The following VRK1 variants were observed in gnomAD, a reference collection of about 807,000 sequenced individuals.
VRK1 encodes the protein VRK serine/threonine kinase 1, also known as serine/threonine-protein kinase VRK1.
VRK1 carries 33 observed loss-of-function variants against 57.1 expected under a neutral mutation model. That is an observed-to-expected ratio of 0.58 (90% CI 0.44 to 0.77). The LOEUF (loss-of-function observed/expected upper bound fraction) is 0.77, where lower values mean the gene tolerates loss of function less well. VRK1 is among the 30% of genes least tolerant of loss of function. VRK1 has a pLI of 0.00. For missense variants in VRK1, 413 were observed against 477.3 expected, an observed-to-expected ratio of 0.87 and a Z score of 1.25; for synonymous variants, 137 against 147.8, an observed-to-expected ratio of 0.93 and a Z score of 0.53.
At chr14:96,805,399 G>C (rs1198198366) in intron 1 of VRK1, among the ~76,000 whole-genome samples, 1 of 152,150 alleles carries the variant, frequency 6.6e-6, no homozygotes, top group Admixed American at 6.6e-5. Flanking sequence ...AAAGATAACA[G>C]ATCTATGTTT....
chr14:96,847,282 G>A lies in VRK1; in HGVS notation c.312G>A (p.Lys104=), dbSNP rs1269621133. 4 of 1,613,696 alleles carry A rather than the reference G, an allele frequency of 2.5e-6. No homozygotes were observed. Among genetic ancestry groups the A allele is most frequent in the African/African-American group, 1.3e-5 (1 of 74,998 alleles). ...TTCAGAAATGGATTCGTACCCGTAAGCTGAAGTACCTGGGTGTTCCTAAGT... is the reference window on the plus strand; with the variant it reads ...TTCAGAAATGGATTCGTACCCGTAAACTGAAGTACCTGGGTGTTCCTAAGT... ...EQIQKWIRTR[K]LKYLGVPKYW... The change falls in exon 5 of 13, where the codon AAG becomes AAA. Residue 104 remains lysine (K), a synonymous_variant. Transcript: ENST00000216639.
chr14:96,876,484 A>C (rs1416661773), intron 12 of VRK1, among the ~76,000 whole-genome samples: 1 of 152,174 alleles, frequency 6.6e-6, no homozygotes, highest in African/African-American at 2.4e-5. Context: ...AGTCTGGGCA[A>C]CATAGAAACC....
intron 1 of VRK1, among the ~76,000 whole-genome samples, chr14:96,823,424 A>G (rs575300305): frequency 1.2e-4 from 18 of 152,204 alleles, no homozygotes; most frequent in Non-Finnish European, 2.1e-4. Flanking sequence ...TATTGCTGTG[A>G]TAACTAGTAG....
At chr14:96,831,132 G>T (rs1204209362) in intron 1 of VRK1, among the ~76,000 whole-genome samples, 3 of 152,128 alleles carry the variant, frequency 2.0e-5, no homozygotes, top group Admixed American at 2.0e-4. Context: ...ATAATTTTTG[G>T]ATCCTAAGAT....
intron 1 of VRK1, among the ~76,000 whole-genome samples, chr14:96,825,681 G>A (rs1392861541): frequency 1.3e-5 from 2 of 152,150 alleles, no homozygotes; most frequent in Non-Finnish European, 2.9e-5. Flanking sequence ...ATAAGGAGAG[G>A]TTAAATGAGA....
chr14:96,810,226 CT>C (rs911889504), intron 1 of VRK1, among the ~76,000 whole-genome samples: 3 of 152,080 alleles, frequency 2.0e-5, no homozygotes, highest in African/African-American at 7.3e-5. Context: ...GATATGAATC[CT>C]TTGTCGAATA....
intron 5 of VRK1, among the ~76,000 whole-genome samples, chr14:96,848,213 G>A (rs1390333761): frequency 6.6e-6 from 1 of 152,038 alleles, no homozygotes; most frequent in Non-Finnish European, 1.5e-5. Context: ...TCGCCAGGTG[G>A]CTGCTCCATT....
intron 11 of VRK1, among the ~76,000 whole-genome samples, chr14:96,866,286 A>G (rs1888582161): frequency 6.6e-6 from 1 of 152,060 alleles, no homozygotes; most frequent in South Asian, 2.1e-4. Context: ...ATGAATACAT[A>G]TTTGGGGGTG....
At chr14:96,799,300 TA>T (rs1432871459) in intron 1 of VRK1, among the ~76,000 whole-genome samples, 3 of 152,038 alleles carry the variant, frequency 2.0e-5, no homozygotes, top group Admixed American at 6.5e-5. Flanking sequence ...ACCCTAAAAT[TA>T]AATTTCTTAA....
chr14:96,827,658 T>C (rs1256302150), intron 1 of VRK1, among the ~76,000 whole-genome samples: 1 of 152,202 alleles, frequency 6.6e-6, no homozygotes, highest in Non-Finnish European at 1.5e-5. Flanking sequence ...GCTCCCTATA[T>C]TTGCTAGTTC....
intron 3 of VRK1, among the ~76,000 whole-genome samples, chr14:96,839,084 GTTTTT>G (rs555020075): frequency 8.9e-6 from 1 of 112,398 alleles, no homozygotes; most frequent in Admixed American, 9.1e-5. Flanking sequence ...CTTGTCTTGA[GTTTTT>G]TTTTTTTTTT....
intron 11 of VRK1, among the ~76,000 whole-genome samples, chr14:96,873,052 G>A (rs999867615): frequency 6.6e-6 from 1 of 152,068 alleles, no homozygotes; most frequent in Non-Finnish European, 1.5e-5. Flanking sequence ...GTAGACTTTT[G>A]TCTTATGGGA....
chr14:96,800,247 G>A (rs573833758), intron 1 of VRK1, among the ~76,000 whole-genome samples: 1 of 151,722 alleles, frequency 6.6e-6, no homozygotes, highest in Non-Finnish European at 1.5e-5. Flanking sequence ...TTTCCCTTTG[G>A]TGCTTGAATG....
At chr14:96,798,653 T>A (rs941916003) in intron 1 of VRK1, among the ~76,000 whole-genome samples, 1 of 152,210 alleles carries the variant, frequency 6.6e-6, no homozygotes, top group African/African-American at 2.4e-5. Flanking sequence ...CAGCATTTAT[T>A]TTCAAGAGTT....
intron 3 of VRK1, among the ~76,000 whole-genome samples, chr14:96,839,583 T>C (rs1887370807): frequency 6.6e-6 from 1 of 152,190 alleles, no homozygotes; most frequent in Non-Finnish European, 1.5e-5. Context: ...AGTTTGCACG[T>C]GCTTGTTGCC....
At chr14:96,855,692 T>G (rs1888126640) in intron 8 of VRK1, among the ~76,000 whole-genome samples, 1 of 152,244 alleles carries the variant, frequency 6.6e-6, no homozygotes, top group East Asian at 1.9e-4. Flanking sequence ...TCTACAACTT[T>G]GTAACAGCTA....
chr14:96,877,475 C>G (rs1250012925), intron 12 of VRK1: 1 of 1,288,304 alleles, frequency 7.8e-7, no homozygotes, highest in African/African-American at 1.5e-5. Flanking sequence ...TTCCTCCTTT[C>G]CCCTGTCTTG....
intron 1 of VRK1, among the ~76,000 whole-genome samples, chr14:96,814,578 C>T (rs1326565684): frequency 6.6e-6 from 1 of 151,936 alleles, no homozygotes; most frequent in Non-Finnish European, 1.5e-5. Flanking sequence ...ATTAAGCTTC[C>T]CACCCTTAAG....
At chr14:96,839,625 A>T (rs1442300045) in intron 3 of VRK1, among the ~76,000 whole-genome samples, 1 of 152,066 alleles carries the variant, frequency 6.6e-6, no homozygotes, top group Non-Finnish European at 1.5e-5. Flanking sequence ...TGTTGTGCTT[A>T]TTGGCCATTC....
Sources: allele counts gnomAD v4.1 joint callset (sites outside exome capture counted in the v4.1 genomes callset), GRCh38; gene constraint gnomAD v4.1.1; transcripts MANE v1.5; gene names NCBI Gene and HGNC (gene_info 2026-07-23, HGNC 2026-07-21).